TBCK: variants seen among roughly 807,000 people sequenced by gnomAD.
TBCK encodes the protein TBC domain-containing protein kinase-like protein.
Under a neutral mutation model 113.4 loss-of-function variants are expected in TBCK, and 99 were observed. The observed-to-expected ratio is 0.87, with a 90% CI of 0.74 to 1.03. TBCK has a LOEUF of 1.03. Among genes scored for constraint, TBCK ranks in the 50% least tolerant of loss-of-function variants. The pLI is 0.00. For synonymous variants in TBCK, 369 were observed against 370.8 expected (o/e 1.00, Z 0.05); for missense variants, 1,045 against 1,061.3 (o/e 0.98, Z 0.21).
In TBCK at chr4:106,309,305, CTTTTTTTTTT is replaced by C. The variant is rs536969885; in HGVS notation, c.-29-326_-29-317del. Among the ~76,000 whole-genome samples the C allele has an allele frequency of 3.2e-4, 33 of 103,162 alleles. No individual in the cohort carries two copies. The East Asian group carries it at 4.9e-3, about 15-fold the overall frequency. The allele number at this position is 103,162 out of a possible 152,430, so 67.7% of individuals were successfully genotyped here. ...TTCATATTATTAATAAGGCTCTTCT[CTTTTTTTTTT>C]TTTTTTTTTTTTTTTTTGAGACAGT... On this transcript the variant is annotated intron_variant, in intron 1 of 25. Coordinates refer to ENST00000394708, the MANE Select transcript of TBCK (RefSeq NM_001163435.3).
chr4:106,079,578 A>G (rs995129709), intron 25 of TBCK, among the ~76,000 whole-genome samples: 1 of 152,232 alleles, frequency 6.6e-6, no homozygotes, highest in African/African-American at 2.4e-5. Context: ...ACAAACAAAA[A>G]TATCTAGGAA....
intron 23 of TBCK, among the ~76,000 whole-genome samples, chr4:106,146,553 A>G: frequency 6.6e-6 from 1 of 152,334 alleles, no homozygotes; most frequent in African/African-American, 2.4e-5. Context: ...GTGTTTATCT[A>G]TGTAACAAAT....
intron 24 of TBCK, among the ~76,000 whole-genome samples, chr4:106,097,707 T>C (rs972897515): frequency 1.1e-4 from 17 of 152,140 alleles, no homozygotes; most frequent in African/African-American, 3.9e-4. Flanking sequence ...AGAACTGCTT[T>C]AGGCAACTTC....
intron 3 of TBCK, among the ~76,000 whole-genome samples, chr4:106,289,098 C>G (rs191793973): frequency 6.6e-6 from 1 of 152,298 alleles, no homozygotes; most frequent in East Asian, 1.9e-4. Flanking sequence ...TATGCATTCT[C>G]CTGTCCATGG....
chr4:106,132,847 T>A (rs1431665848), intron 23 of TBCK, among the ~76,000 whole-genome samples: 1 of 152,192 alleles, frequency 6.6e-6, no homozygotes, highest in Non-Finnish European at 1.5e-5. Context: ...AGTCTGAACT[T>A]GCATGAGACC....
chr4:106,306,704 C>T (rs917329862), intron 2 of TBCK, among the ~76,000 whole-genome samples: 8 of 152,108 alleles, frequency 5.3e-5, no homozygotes, highest in African/African-American at 1.7e-4. Flanking sequence ...TCATCAGCAC[C>T]TTTATTACTT....
chr4:106,180,124 G>C (rs2149772496), intron 22 of TBCK, among the ~76,000 whole-genome samples: 1 of 151,582 alleles, frequency 6.6e-6, no homozygotes, highest in East Asian at 1.9e-4. Flanking sequence ...TGTCTTCAAA[G>C]GTAGAGTTTC....
chr4:106,223,915 C>CT (rs1757964926), intron 19 of TBCK, among the ~76,000 whole-genome samples: 1 of 152,086 alleles, frequency 6.6e-6, no homozygotes, highest in Non-Finnish European at 1.5e-5. Flanking sequence ...AATTAATACT[C>CT]TAAGATTCTG....
chr4:106,074,414 T>G (rs895986995), intron 25 of TBCK, among the ~76,000 whole-genome samples: 1 of 152,228 alleles, frequency 6.6e-6, no homozygotes, highest in African/African-American at 2.4e-5. Flanking sequence ...AATTAATAGT[T>G]GATGTTAACT....
At chr4:106,274,987 G>A (rs1291802874) in intron 3 of TBCK, among the ~76,000 whole-genome samples, 1 of 152,018 alleles carries the variant, frequency 6.6e-6, no homozygotes, top group Non-Finnish European at 1.5e-5. Flanking sequence ...TTTAAAGTAT[G>A]TAGGTGTGGT....
intron 3 of TBCK, among the ~76,000 whole-genome samples, chr4:106,266,845 T>C (rs1429065001): frequency 6.6e-6 from 1 of 151,960 alleles, no homozygotes; most frequent in Non-Finnish European, 1.5e-5. Context: ...AGTTATATTC[T>C]TTAATACTAC....
intron 23 of TBCK, among the ~76,000 whole-genome samples, chr4:106,119,679 A>G (rs533772213): frequency 6.6e-6 from 1 of 152,358 alleles, no homozygotes; most frequent in South Asian, 2.1e-4. Flanking sequence ...AACATTCTAA[A>G]AAGCTTCTTC....
intron 19 of TBCK, among the ~76,000 whole-genome samples, chr4:106,217,451 T>A (rs999557818): frequency 1.5e-4 from 23 of 152,290 alleles, no homozygotes; most frequent in African/African-American, 5.3e-4. Context: ...GATGACATGA[T>A]TGTATATCTA....
chr4:106,105,277 T>C (rs1005589386), intron 24 of TBCK, among the ~76,000 whole-genome samples: 43 of 152,218 alleles, frequency 2.8e-4, no homozygotes, highest in African/African-American at 9.6e-4. Flanking sequence ...ACCTCCATTT[T>C]GGGCTGACTT....
chr4:106,062,485 G>C (rs908810703), intron 25 of TBCK, among the ~76,000 whole-genome samples: 5 of 151,868 alleles, frequency 3.3e-5, no homozygotes, highest in African/African-American at 1.2e-4. Context: ...CCCACACTGT[G>C]TTCAAGCCAC....
chr4:106,215,867 C>T (rs372366902), intron 19 of TBCK, among the ~76,000 whole-genome samples: 4 of 151,656 alleles, frequency 2.6e-5, no homozygotes, highest in East Asian at 3.9e-4. Context: ...CAAGCGGACC[C>T]AATAGACATC....
chr4:106,272,199 T>C (rs73838191), intron 3 of TBCK, among the ~76,000 whole-genome samples: 2,779 of 152,276 alleles, frequency 0.018, 80 homozygotes, highest in African/African-American at 0.061. Flanking sequence ...TCTAAGTATC[T>C]TTCTTAATCT....
At chr4:106,300,126 T>C (rs1243997005) in intron 2 of TBCK, among the ~76,000 whole-genome samples, 4 of 152,164 alleles carry the variant, frequency 2.6e-5, no homozygotes. Context: ...ACAAGTTCTC[T>C]TTTTTTGGCC....
intron 19 of TBCK, among the ~76,000 whole-genome samples, chr4:106,222,010 T>C (rs1448289466): frequency 6.6e-6 from 1 of 152,146 alleles, no homozygotes; most frequent in African/African-American, 2.4e-5. Flanking sequence ...ATAATAAGGA[T>C]ATGAATCTAG....
Sources: allele counts gnomAD v4.1 joint callset (sites outside exome capture counted in the v4.1 genomes callset), GRCh38; gene constraint gnomAD v4.1.1; transcripts MANE v1.5; gene names NCBI Gene and HGNC (gene_info 2026-07-23, HGNC 2026-07-21).